RBFOX1: variants seen among roughly 807,000 people sequenced by gnomAD.
RBFOX1 encodes RNA binding protein fox-1 homolog 1.
Under a neutral mutation model 57.7 loss-of-function variants are expected in RBFOX1, and 8 were observed. That is an observed-to-expected ratio of 0.14 (90% CI 0.08 to 0.25). The LOEUF (loss-of-function observed/expected upper bound fraction) is 0.25, where lower values mean the gene tolerates loss of function less well. Ranked by LOEUF, RBFOX1 falls within the 10% of genes least tolerant of loss-of-function variation. The pLI, the probability that RBFOX1 is intolerant of heterozygous loss-of-function variation, is 1.00. For missense variants in RBFOX1, 611 were observed against 548.5 expected, an observed-to-expected ratio of 1.11 and a Z score of -1.14; for synonymous variants, 326 against 222.4, an observed-to-expected ratio of 1.47 and a Z score of -4.15.
At chr16:5,795,119 T>C (rs1363562081) in intron 3 of RBFOX1, among the ~76,000 whole-genome samples, 1 of 152,192 alleles carries the variant, frequency 6.6e-6, no homozygotes, top group Non-Finnish European at 1.5e-5. Context: ...TACCTTATTA[T>C]ATTGTTTCTG....
chr16:7,103,986 T>G (rs1453064135), intron 4 of RBFOX1, among the ~76,000 whole-genome samples: 1 of 152,188 alleles, frequency 6.6e-6, no homozygotes, highest in Admixed American at 6.6e-5. Context: ...TGCTCCCTAT[T>G]ATTAACAACA....
intron 14 of RBFOX1, among the ~76,000 whole-genome samples, chr16:7,690,711 C>T (rs554487741): frequency 2.6e-5 from 4 of 152,156 alleles, no homozygotes; most frequent in South Asian, 4.2e-4. Flanking sequence ...CGGAGACATT[C>T]GTCTCTTTGA....
chr16:6,387,036 G>A (rs1567170595), intron 2 of RBFOX1, among the ~76,000 whole-genome samples: 1 of 152,218 alleles, frequency 6.6e-6, no homozygotes, highest in Non-Finnish European at 1.5e-5. Flanking sequence ...GTTCTGGAGA[G>A]GAACTTGGAC....
At chr16:7,679,270 A>C (rs896296364) in intron 14 of RBFOX1, among the ~76,000 whole-genome samples, 37 of 152,336 alleles carry the variant, frequency 2.4e-4, no homozygotes, top group African/African-American at 8.9e-4. Context: ...TAGCTTTTGA[A>C]TCTAGATTAA....
chr16:7,666,186 C>A (rs1221119528), intron 13 of RBFOX1, among the ~76,000 whole-genome samples: 1 of 152,152 alleles, frequency 6.6e-6, no homozygotes, highest in African/African-American at 2.4e-5. Context: ...TTTCCTCAGG[C>A]ACCTGCTAAA....
chr16:6,479,493 C>T (rs2095335787), intron 2 of RBFOX1, among the ~76,000 whole-genome samples: 1 of 151,976 alleles, frequency 6.6e-6, no homozygotes, highest in South Asian at 2.1e-4. Flanking sequence ...GAGGCTGAGG[C>T]AGGAAAATCA....
intron 1 of RBFOX1, among the ~76,000 whole-genome samples, chr16:5,329,660 A>AAT (rs1205825628): frequency 6.6e-6 from 1 of 152,254 alleles, no homozygotes; most frequent in Non-Finnish European, 1.5e-5. Flanking sequence ...GCTTATAAAC[A>AAT]ATAGAAATTC....
At chr16:7,037,885 G>A (rs1018697072) in intron 3 of RBFOX1, among the ~76,000 whole-genome samples, 2 of 152,190 alleles carry the variant, frequency 1.3e-5, no homozygotes, top group East Asian at 1.9e-4. Flanking sequence ...CATGGCCTGT[G>A]TGTCTCTGCT....
At chr16:7,313,634 C>T (rs1842010969) in intron 4 of RBFOX1, among the ~76,000 whole-genome samples, 1 of 151,718 alleles carries the variant, frequency 6.6e-6, no homozygotes, top group East Asian at 1.9e-4. Context: ...ATGAAATAAT[C>T]AATAACTTTT....
intron 2 of RBFOX1, among the ~76,000 whole-genome samples, chr16:6,636,234 G>C (rs1353336597): frequency 1.3e-5 from 2 of 152,064 alleles, no homozygotes; most frequent in Non-Finnish European, 2.9e-5. Context: ...GCAGAGGCAC[G>C]ATCTCGGCTC....
intron 3 of RBFOX1, among the ~76,000 whole-genome samples, chr16:6,693,312 A>C (rs1332697576): frequency 2.0e-5 from 3 of 151,252 alleles, no homozygotes; most frequent in Non-Finnish European, 4.4e-5. Context: ...CTCCACTACC[A>C]ACACCACCAT....
intron 1 of RBFOX1, among the ~76,000 whole-genome samples, chr16:6,092,048 T>C (rs1290337079): frequency 6.6e-6 from 1 of 152,176 alleles, no homozygotes; most frequent in Admixed American, 6.5e-5. Context: ...TCCGTCCTCC[T>C]TGAAGACATA....
intron 1 of RBFOX1, among the ~76,000 whole-genome samples, chr16:6,308,797 A>G (rs1272745315): frequency 1.2e-4 from 19 of 152,192 alleles, no homozygotes; most frequent in Admixed American, 1.2e-3. Flanking sequence ...AGCAGGTGCC[A>G]TTCTTAGAAA....
intron 3 of RBFOX1, among the ~76,000 whole-genome samples, chr16:5,707,875 G>T (rs1055379887): frequency 6.6e-6 from 1 of 152,126 alleles, no homozygotes; most frequent in African/African-American, 2.4e-5. Flanking sequence ...AGACAGACTT[G>T]GGTTCAGTTT....
chr16:5,610,474 T>G (rs2047737942), intron 3 of RBFOX1: 1 of 152,122 alleles, frequency 6.6e-6, no homozygotes, highest in Non-Finnish European at 1.5e-5. Flanking sequence ...GGATGGCGGT[T>G]TACCTAAAAC....
chr16:6,875,252 A>G (rs373324796), intron 3 of RBFOX1, among the ~76,000 whole-genome samples: 1 of 152,206 alleles, frequency 6.6e-6, no homozygotes, highest in African/African-American at 2.4e-5. Context: ...AAATTTCAGT[A>G]TCTCTGAAGA....
intron 2 of RBFOX1, among the ~76,000 whole-genome samples, chr16:6,358,130 CT>C (rs2087725159): frequency 6.6e-6 from 1 of 152,062 alleles, no homozygotes; most frequent in Non-Finnish European, 1.5e-5. Context: ...AACTGTGTGG[CT>C]TTGTGGAAGT....
intron 4 of RBFOX1, among the ~76,000 whole-genome samples, chr16:7,427,421 T>C (rs1484722941): frequency 6.6e-6 from 1 of 152,126 alleles, no homozygotes; most frequent in South Asian, 2.1e-4. Context: ...TTGGACAGGC[T>C]TGGTTTTGCA....
intron 3 of RBFOX1, among the ~76,000 whole-genome samples, chr16:5,743,073 A>G (rs1245513950): frequency 6.6e-6 from 1 of 152,188 alleles, no homozygotes; most frequent in African/African-American, 2.4e-5. Flanking sequence ...TGCTTTTCTC[A>G]AATGGACTGA....
Sources: gnomAD v4.1 joint callset for allele counts (sites outside exome capture counted in the v4.1 genomes callset) on GRCh38, gnomAD v4.1.1 for gene constraint, MANE v1.5 for transcripts, NCBI Gene and HGNC (gene_info 2026-07-23, HGNC 2026-07-21) for gene names.